TRERF1: variants seen among roughly 807,000 people sequenced by gnomAD.
The protein encoded by TRERF1 is transcriptional regulating factor 1.
TRERF1 carries 27 observed loss-of-function variants against 122.9 expected under a neutral mutation model. The ratio of observed to expected loss-of-function variants is 0.22; its 90% confidence interval spans 0.16 to 0.30. TRERF1 has a LOEUF of 0.30. Ranked by LOEUF, TRERF1 falls within the 10% of genes least tolerant of loss-of-function variation. The probability of loss-of-function intolerance (pLI) is 1.00; values close to 1 mark genes in which losing one functional copy is unlikely to be tolerated. For missense variants in TRERF1, 1,248 were observed against 1,560.3 expected, an observed-to-expected ratio of 0.80 and a Z score of 3.37; for synonymous variants, 636 against 641.7, an observed-to-expected ratio of 0.99 and a Z score of 0.13.
intron 2 of TRERF1, among the ~76,000 whole-genome samples, chr6:42,449,439 A>G (rs1320814689): frequency 6.6e-6 from 1 of 151,092 alleles, no homozygotes; most frequent in Non-Finnish European, 1.5e-5. Flanking sequence ...AGCCTTTATT[A>G]CCGCAAGAAC....
Position 42,259,256 on chromosome 6 carries a change from A to C in TRERF1, c.2269+83T>G. The C allele has an allele frequency of 1.4e-6, 2 of 1,437,726 alleles. No homozygotes were observed. Among genetic ancestry groups the C allele is most frequent in the South Asian group, 3.0e-5 (2 of 66,906 alleles). 89.1% of individuals were successfully genotyped at this position (1,437,726 alleles called of 1,614,324 possible). The stretch of plus-strand genomic sequence containing the variant: ...ATACTCCGCAAAAGTCTGTGGGATA[A>C]ATGAGAAAGCTAAAGAAAACGAGAT... On this transcript the variant is annotated intron_variant, in intron 9 of 17. Transcript: ENST00000372922. This position sits in a 1 kb window ranked among gnomAD's most constrained non-coding sequence, Gnocchi z 4.9.
At chr6:42,320,866 C>T (rs796437298) in intron 3 of TRERF1, among the ~76,000 whole-genome samples, 1 of 152,000 alleles carries the variant, frequency 6.6e-6, no homozygotes, top group Non-Finnish European at 1.5e-5. Context: ...GTGAGGGCTA[C>T]CCAGGACAGA....
chr6:42,351,196 T>C (rs1316164012), intron 3 of TRERF1, among the ~76,000 whole-genome samples: 3 of 152,244 alleles, frequency 2.0e-5, no homozygotes, highest in Non-Finnish European at 2.9e-5. Flanking sequence ...CTGATGACTG[T>C]AAATTAGTCC....
exon 13 of TRERF1, chr6:42,254,897 C>G: frequency 6.2e-7 from 1 of 1,614,222 alleles, no homozygotes; most frequent in Non-Finnish European, 8.5e-7. Flanking sequence ...ACCTGACAGG[C>G]TTCCGCAGTA....
rs1397602720 is a variant in TRERF1, at chr6:42,232,759, A to G, written c.3200T>C (p.Val1067Ala). ...GGTGCTGTGAGAGGGTGAGCTCTTT[A>G]CCGAACAGTACCCACTCTGGGTGCC... Residue 1067 changes from valine (V) to alanine (A), a missense_variant, in exon 17 of 18, where the codon GTA becomes GCA. Around this residue, in one of 5 missense-constraint regions of TRERF1, gnomAD observed 159 missense variants for 221.7 expected, o/e 0.72. Transcript: ENST00000372922. This position sits in a 1 kb window ranked among gnomAD's most constrained non-coding sequence, Gnocchi z 4.5. 1 of 1,612,254 alleles carries G rather than the reference A, an allele frequency of 6.2e-7. No individual in the cohort carries two copies.
At chr6:42,419,070 CA>C (rs1782356726) in intron 2 of TRERF1, among the ~76,000 whole-genome samples, 1 of 152,206 alleles carries the variant, frequency 6.6e-6, no homozygotes, top group African/African-American at 2.4e-5. Context: ...TGCACTTAAC[CA>C]GTGAGAATCC....
chr6:42,325,509 G>A (rs1213529131), intron 3 of TRERF1, among the ~76,000 whole-genome samples: 3 of 152,156 alleles, frequency 2.0e-5, no homozygotes, highest in Non-Finnish European at 4.4e-5. Flanking sequence ...TCAACTAGAT[G>A]CCCATTAACA....
intron 10 of TRERF1, among the ~76,000 whole-genome samples, chr6:42,257,894 G>A (rs974887685): frequency 2.6e-5 from 4 of 152,198 alleles, no homozygotes; most frequent in South Asian, 2.1e-4. Flanking sequence ...GGAGCCAGAC[G>A]CAGGGACGCT....
At chr6:42,295,422 G>A (rs939303942) in intron 4 of TRERF1, among the ~76,000 whole-genome samples, 1 of 152,182 alleles carries the variant, frequency 6.6e-6, no homozygotes, top group African/African-American at 2.4e-5. Context: ...TCAAATGTTA[G>A]CCGCAGGACT....
chr6:42,239,670 C>T lies in TRERF1; in HGVS notation c.2860-3259G>A, dbSNP rs549388315. On this transcript the variant is annotated intron_variant, in intron 15 of 17. Transcript: ENST00000372922. Reference sequence around the variant, plus strand: ...TATCCCAGGTGTCCCAGGCAGGCCCCGAGGACAAAGAGTAGGACCACATCT... The same window carrying T: ...TATCCCAGGTGTCCCAGGCAGGCCCTGAGGACAAAGAGTAGGACCACATCT... Among the ~76,000 whole-genome samples the T allele has an allele frequency of 4.6e-5, 7 of 151,334 alleles. No homozygotes were observed. The East Asian group carries it at 5.9e-4, about 13-fold the overall frequency.
chr6:42,282,920 A>G (rs970229362), intron 4 of TRERF1, among the ~76,000 whole-genome samples: 1 of 152,228 alleles, frequency 6.6e-6, no homozygotes, highest in African/African-American at 2.4e-5. Context: ...GTGTCTGCTT[A>G]AAGGATATCT....
Position 42,269,855 on chromosome 6 carries a change from G to T in TRERF1, c.-258-7C>A. On this transcript the variant is annotated splice_polypyrimidine_tract_variant and splice_region_variant and intron_variant, in intron 4 of 17. Coordinates refer to ENST00000372922, the Ensembl canonical transcript of TRERF1. The surrounding 1 kb of genome is among the most constrained non-coding windows in gnomAD (Gnocchi z 4.9). Reference sequence around the variant, plus strand: ...GAGGAGACGTCGCTCACACCTGCAAGGCAAGATGCAAAAGACAGGAAAGGA... The same window carrying T: ...GAGGAGACGTCGCTCACACCTGCAATGCAAGATGCAAAAGACAGGAAAGGA... 1 of 715,052 alleles carries T rather than the reference G, an allele frequency of 1.4e-6. No homozygotes were observed. Among genetic ancestry groups the T allele is most frequent in the Non-Finnish European group, 2.0e-6 (1 of 492,894 alleles). 44.3% of individuals were successfully genotyped at this position (715,052 alleles called of 1,614,324 possible).
intron 2 of TRERF1, among the ~76,000 whole-genome samples, chr6:42,369,166 G>A (rs1404114317): frequency 6.6e-6 from 1 of 152,144 alleles, no homozygotes; most frequent in Non-Finnish European, 1.5e-5. Flanking sequence ...AAAAACTGAG[G>A]AGGCCAGGCA....
chr6:42,327,125 A>T (rs1462729085), intron 3 of TRERF1, among the ~76,000 whole-genome samples: 3 of 152,198 alleles, frequency 2.0e-5, no homozygotes, highest in Non-Finnish European at 4.4e-5. Flanking sequence ...TAATACCACC[A>T]GGATAGAGGT....
intron 4 of TRERF1, among the ~76,000 whole-genome samples, chr6:42,286,471 A>C (rs2150094396): frequency 7.0e-6 from 1 of 142,962 alleles, no homozygotes; most frequent in Admixed American, 7.1e-5. Context: ...CCCATCAAAA[A>C]GTGGGCGAAG....
chr6:42,240,192 A>G (rs928300653), intron 15 of TRERF1, among the ~76,000 whole-genome samples: 2 of 152,230 alleles, frequency 1.3e-5, no homozygotes, highest in Non-Finnish European at 2.9e-5. Context: ...CACAGAAGGA[A>G]TGTTTATGAA....
At position 42,342,792 on chromosome 6, in the gene TRERF1, G is replaced by A. The variant is rs185669376; in HGVS notation, c.-371+20205C>T. 3.2e-4 allele frequency among the ~76,000 whole-genome samples: 49 copies of A among 152,226 alleles called. 1 individual carries two copies. In the South Asian group the frequency reaches 7.7e-3, roughly 24 times the overall value. The stretch of plus-strand genomic sequence containing the variant: ...TTGAAGTTACTAACATGTCTCTCTC[G>A]TCAGTCTCTTTTTTGGAAACCACAT... On this transcript the variant is annotated intron_variant, in intron 3 of 17. Transcript: ENST00000372922.
At chr6:42,236,014 T>C (rs1293461063) in intron 16 of TRERF1, among the ~76,000 whole-genome samples, 191 bp downstream of exon 16, 1 of 152,202 alleles carries the variant, frequency 6.6e-6, no homozygotes, top group Non-Finnish European at 1.5e-5. Context: ...AGCATCATGC[T>C]TGACACAGAA....
At chr6:42,379,832 C>T (rs1486372200) in intron 2 of TRERF1, among the ~76,000 whole-genome samples, 2 of 152,226 alleles carry the variant, frequency 1.3e-5, no homozygotes, top group Non-Finnish European at 2.9e-5. Flanking sequence ...TGAGCCATCA[C>T]GCCCAGCCTG....
Sources: gnomAD v4.1 joint callset for allele counts (sites outside exome capture counted in the v4.1 genomes callset) on GRCh38, gnomAD v4.1.1 for gene constraint, gnomAD v4.1.1 regional missense constraint, Gnocchi (gnomAD v3.1) non-coding constraint, MANE v1.5 for transcripts, NCBI Gene and HGNC (gene_info 2026-07-23, HGNC 2026-07-21) for gene names.